RSPO3: variants seen among roughly 807,000 people sequenced by gnomAD.
The protein encoded by RSPO3 is R-spondin 3.
A neutral mutation model predicts 36.5 loss-of-function variants in RSPO3; 17 were observed. The observed-to-expected ratio is 0.47, with a 90% confidence interval of 0.32 to 0.70. RSPO3 has a LOEUF of 0.70. Ranked by LOEUF, RSPO3 falls within the 30% of genes least tolerant of loss-of-function variation. RSPO3 has a pLI of 0.04. For missense variants in RSPO3, 294 were observed against 322.5 expected (o/e 0.91, Z 0.68); for synonymous variants, 108 against 107.0 (o/e 1.01, Z -0.06).
chr6:127,157,231 T>C (rs1754585525), intron 4 of RSPO3, among the ~76,000 whole-genome samples: 2 of 152,160 alleles, frequency 1.3e-5, no homozygotes, highest in African/African-American at 4.8e-5. Flanking sequence ...TTCCTTAAAA[T>C]TTAATGACTT....
In RSPO3 at chr6:127,145,649, T is replaced by C. The variant is rs150478303; in HGVS notation, c.98-2999T>C. 4.6e-5 allele frequency among the ~76,000 whole-genome samples: 7 copies of C among 152,252 alleles called. No homozygotes were observed. The East Asian group carries it at 1.2e-3, about 25-fold the overall frequency. ...CTCTAGCCAAACATGGCCACTTACATACTCATAAACTCCAACTCATTTTCT... is the reference window on the plus strand; with the variant it reads ...CTCTAGCCAAACATGGCCACTTACACACTCATAAACTCCAACTCATTTTCT... On this transcript the variant is annotated intron_variant, in intron 1 of 4. Transcript: ENST00000356698.
At chr6:127,140,257 C>T (rs1204351696) in intron 1 of RSPO3, among the ~76,000 whole-genome samples, 1 of 152,122 alleles carries the variant, frequency 6.6e-6, no homozygotes, top group East Asian at 1.9e-4. Context: ...ATATGCAAGA[C>T]TGTAATTTTT....
rs1038133482 is a variant in RSPO3, at chr6:127,118,895, T to G, written c.-298T>G. 4 of 211,616 alleles carry G rather than the reference T, an allele frequency of 1.9e-5. No individual in the cohort carries two copies. The highest frequency in any genetic ancestry group is 1.5e-4 in the South Asian group (1 of 6,538). 13.1% of individuals were successfully genotyped at this position (211,616 alleles called of 1,614,324 possible). ...CGCCTGCGGCAGTTGCCGCACAACA[T>G]GCTACCTGCGGCCGCCCCGGCGGCT... On this transcript the variant is annotated 5_prime_UTR_variant, in exon 1 of 5. It removes an upstream start codon present in the reference 5' UTR. Transcript: ENST00000356698.
At chr6:127,127,346 A>C (rs1294164352) in intron 1 of RSPO3, among the ~76,000 whole-genome samples, 1 of 152,144 alleles carries the variant, frequency 6.6e-6, no homozygotes, top group Non-Finnish European at 1.5e-5. Flanking sequence ...TGCAAAGCAA[A>C]TATCAATCAC....
intron 1 of RSPO3, among the ~76,000 whole-genome samples, chr6:127,132,224 TTAAG>T (rs1264490062): frequency 6.6e-6 from 1 of 152,074 alleles, no homozygotes; most frequent in East Asian, 1.9e-4. Context: ...TAAACAAAGT[TTAAG>T]TAACTGTGCC....
chr6:127,160,892 T>G (rs1396645218), intron 4 of RSPO3, among the ~76,000 whole-genome samples: 1 of 152,206 alleles, frequency 6.6e-6, no homozygotes, highest in Non-Finnish European at 1.5e-5. Context: ...AAAAACATGT[T>G]TGGTCTTCAG....
At chr6:127,143,000 G>A (rs79454887) in intron 1 of RSPO3, among the ~76,000 whole-genome samples, 1 of 143,688 alleles carries the variant, frequency 7.0e-6, no homozygotes, top group Non-Finnish European at 1.5e-5. Flanking sequence ...TTTTTTTTTG[G>A]TAGAAACAGG....
At position 127,151,467 on chromosome 6, in the gene RSPO3, C is replaced by G. The variant is rs73775204; in HGVS notation, c.436+895C>G. On this transcript the variant is annotated intron_variant, in intron 3 of 4. Transcript: ENST00000356698. The stretch of plus-strand genomic sequence containing the variant: ...TCCCCTGGGCAAGAACTACAGGAAC[C>G]TTTGATGCTGCGGTGATGTTGGCAT... 4.6e-3 allele frequency among the ~76,000 whole-genome samples: 701 copies of G among 151,994 alleles called. 4 individuals are homozygous for G. Among genetic ancestry groups the G allele is most frequent in the African/African-American group, 0.016 (651 of 41,484 alleles).
chr6:127,140,114 GAACATA>G (rs1774241217), intron 1 of RSPO3, among the ~76,000 whole-genome samples: 2 of 151,924 alleles, frequency 1.3e-5, no homozygotes, highest in Non-Finnish European at 2.9e-5. Flanking sequence ...AGGAATTAAA[GAACATA>G]ATATTAAGAT....
At chr6:127,162,381 C>A (rs1010026670) in intron 4 of RSPO3, among the ~76,000 whole-genome samples, 1 of 152,156 alleles carries the variant, frequency 6.6e-6, no homozygotes, top group Non-Finnish European at 1.5e-5. Flanking sequence ...ATTCCTCATT[C>A]ACTTAACAAT....
chr6:127,175,501 T>G (rs892793159), intron 4 of RSPO3, among the ~76,000 whole-genome samples: 3 of 151,800 alleles, frequency 2.0e-5, no homozygotes, highest in East Asian at 1.9e-4. Context: ...TATCAAATAA[T>G]ACTGCCTGGT....
intron 4 of RSPO3, among the ~76,000 whole-genome samples, chr6:127,173,978 G>A (rs935005300): frequency 2.0e-5 from 3 of 151,836 alleles, no homozygotes; most frequent in East Asian, 1.9e-4. Context: ...TCGTGTGGGC[G>A]CACAGAGGGC....
At chr6:127,125,350 C>T (rs1289986711) in intron 1 of RSPO3, among the ~76,000 whole-genome samples, 1 of 152,120 alleles carries the variant, frequency 6.6e-6, no homozygotes, top group Non-Finnish European at 1.5e-5. Flanking sequence ...AAGAAGGCTC[C>T]TTAGTGTATG....
intron 4 of RSPO3, among the ~76,000 whole-genome samples, chr6:127,181,375 G>A (rs980403068): frequency 1.3e-5 from 2 of 151,806 alleles, no homozygotes; most frequent in Non-Finnish European, 2.9e-5. Flanking sequence ...AGATAATACA[G>A]CTGCTTACCA....
In RSPO3 at chr6:127,141,141, A is replaced by G. The variant is rs796193666; in HGVS notation, c.98-7507A>G. 6.6e-5 allele frequency among the ~76,000 whole-genome samples: 10 copies of G among 152,350 alleles called. 1 individual carries two copies. The highest frequency in any genetic ancestry group is 2.4e-4 in the African/African-American group (10 of 41,582). Reference sequence around the variant, plus strand: ...TCCTGCCTTTCCTGCATCACATGAAATGTTGAGCACACTGTGGGTGAAATT... The same window carrying G: ...TCCTGCCTTTCCTGCATCACATGAAGTGTTGAGCACACTGTGGGTGAAATT... On this transcript the variant is annotated intron_variant, in intron 1 of 4. Transcript: ENST00000356698.
chr6:127,156,860 A>T (rs990643042), intron 4 of RSPO3, among the ~76,000 whole-genome samples: 1 of 152,186 alleles, frequency 6.6e-6, no homozygotes, highest in South Asian at 2.1e-4. Context: ...TTGCTTATAC[A>T]AAAGAGAATT....
chr6:127,188,159 T>C (rs2114263685), intron 4 of RSPO3, among the ~76,000 whole-genome samples: 1 of 152,314 alleles, frequency 6.6e-6, no homozygotes, highest in South Asian at 2.1e-4. Context: ...TGTCACGACA[T>C]TGAGCCAACA....
intron 3 of RSPO3, among the ~76,000 whole-genome samples, chr6:127,151,377 C>T (rs1325293051): frequency 1.3e-5 from 2 of 151,922 alleles, no homozygotes; most frequent in Admixed American, 6.6e-5. Context: ...ACAGCTACAA[C>T]TTTGATGAAC....
intron 4 of RSPO3, among the ~76,000 whole-genome samples, chr6:127,190,096 C>T (rs1287340461): frequency 6.6e-6 from 1 of 152,092 alleles, no homozygotes; most frequent in Non-Finnish European, 1.5e-5. Context: ...ATAGCAATTC[C>T]TCTTCCTTGC....
Sources: allele counts gnomAD v4.1 joint callset (sites outside exome capture counted in the v4.1 genomes callset), GRCh38; gene constraint gnomAD v4.1.1; transcripts MANE v1.5; gene names NCBI Gene and HGNC (gene_info 2026-07-23, HGNC 2026-07-21).